USP9X: variants seen among roughly 807,000 people sequenced by gnomAD.
The protein encoded by USP9X is ubiquitin carboxyl-terminal hydrolase 9X.
USP9X carries 7 observed loss-of-function variants against 190.3 expected under a neutral mutation model. The observed-to-expected ratio is 0.04, with a 90% CI of 0.02 to 0.07. The LOEUF (loss-of-function observed/expected upper bound fraction) is 0.07. USP9X is among the 10% of genes least tolerant of loss of function. The probability of loss-of-function intolerance (pLI) is 1.00; values close to 1 mark genes in which losing one functional copy is unlikely to be tolerated. For synonymous variants in USP9X, 645 were observed against 659.5 expected (o/e 0.98, Z 0.34); for missense variants, 1,010 against 1,916.9 (o/e 0.53, Z 8.83).
chrX:41,225,484 T>C (rs1034636694), intron 41 of USP9X, among the ~76,000 whole-genome samples: 2 of 112,078 alleles, frequency 1.8e-5, no homozygotes, highest in Non-Finnish European at 3.8e-5. Flanking sequence ...TTAGAATTAG[T>C]CACTTGAAGC....
intron 1 of USP9X, among the ~76,000 whole-genome samples, chrX:41,093,155 A>G (rs1348697433): frequency 9.0e-6 from 1 of 111,713 alleles, no homozygotes; most frequent in East Asian, 2.8e-4. Flanking sequence ...GGCCTGAGCC[A>G]CTGTGCTTGA....
chrX:41,112,151 T>G (rs2062114656), intron 1 of USP9X, among the ~76,000 whole-genome samples: 1 of 112,535 alleles, frequency 8.9e-6, no homozygotes, highest in Non-Finnish European at 1.9e-5. Context: ...AGCCAGTCTT[T>G]GAAGATTTTT....
chrX:41,144,241 A>G (rs1446144252), intron 10 of USP9X, among the ~76,000 whole-genome samples: 14 of 85,358 alleles, frequency 1.6e-4, no homozygotes, highest in East Asian at 1.4e-3. Context: ...TTTTTTTGAG[A>G]TGGAGTTTTG....
chrX:41,214,869 T>C (rs747519027), intron 34 of USP9X, among the ~76,000 whole-genome samples, 160 bp downstream of exon 34: 1 of 111,887 alleles, frequency 8.9e-6, no homozygotes, highest in Non-Finnish European at 1.9e-5. Flanking sequence ...AATAGAAGGT[T>C]TGGCAAGGAA....
rs773035121 is a variant in USP9X at position 41,227,890 on chromosome X, C to T, written c.7062-1363C>T. Among the ~76,000 whole-genome samples the T allele has an allele frequency of 1.2e-4, 13 of 111,956 alleles. No individual in the cohort carries two copies. In the East Asian group the frequency reaches 2.3e-3, roughly 19 times the overall value. ...TAATTATTTGTATTTTTAGTAGAGA[C>T]GGGGTTTCACCGTGTTAGTCAGGAT... is the stretch of plus-strand genomic sequence containing the variant. On this transcript the variant is annotated intron_variant, in intron 41 of 44. Coordinates refer to ENST00000378308, the MANE Select transcript of USP9X (RefSeq NM_001039591.3).
intron 41 of USP9X, among the ~76,000 whole-genome samples, chrX:41,225,726 TAA>T (rs1299950279): frequency 8.9e-6 from 1 of 112,593 alleles, no homozygotes; most frequent in Non-Finnish European, 1.9e-5. Context: ...TGTTTCTACT[TAA>T]AGTCATTTAA....
intron 12 of USP9X, among the ~76,000 whole-genome samples, chrX:41,149,884 T>G (rs1401496412): frequency 1.8e-5 from 2 of 110,250 alleles, no homozygotes; most frequent in Admixed American, 9.7e-5. Flanking sequence ...TTTTGTACTT[T>G]TAGTAGAGAC....
At chrX:41,117,599 A>G (rs1318375200) in intron 1 of USP9X, among the ~76,000 whole-genome samples, 1 of 84,338 alleles carries the variant, frequency 1.2e-5, no homozygotes, top group Non-Finnish European at 2.2e-5. Flanking sequence ...TTTTTTTGAG[A>G]CGGAGTTTTG....
chrX:41,114,133 T>TA (rs1180235780), intron 1 of USP9X, among the ~76,000 whole-genome samples: 8 of 112,696 alleles, frequency 7.1e-5, no homozygotes, highest in African/African-American at 2.6e-4. Flanking sequence ...TCTATCATAG[T>TA]AAAAAATGAT....
At chrX:41,138,655 G>T (rs1411271686) in intron 6 of USP9X, among the ~76,000 whole-genome samples, 3 of 112,011 alleles carry the variant, frequency 2.7e-5, no homozygotes, top group Admixed American at 1.9e-4. Context: ...AAGCTGTCAG[G>T]ACTATCTCTC....
At chrX:41,214,848 A>G (rs778294131) in intron 34 of USP9X, 139 bp downstream of exon 34, 8 of 619,930 alleles carry the variant, frequency 1.3e-5, no homozygotes, top group Non-Finnish European at 1.9e-5. Flanking sequence ...GAAGTAGTCA[A>G]TATGATAACT....
intron 1 of USP9X, among the ~76,000 whole-genome samples, chrX:41,102,869 T>C (rs1411983170): frequency 9.1e-6 from 1 of 110,119 alleles, no homozygotes; most frequent in East Asian, 2.9e-4. Flanking sequence ...CTTGGCTCAC[T>C]GCAACCTCCA....
chrX:41,215,826 T>A (rs1251886840), intron 34 of USP9X, 73 bp from the exon 35 acceptor site: 3 of 1,058,936 alleles, frequency 2.8e-6, no homozygotes, highest in Non-Finnish European at 3.8e-6. Context: ...CATTTAAAAG[T>A]TTGCTTGGGG....
chrX:41,214,416 T>C, intron 33 of USP9X, 152 bp from the exon 34 acceptor site: 2 of 449,125 alleles, frequency 4.5e-6, no homozygotes, highest in Non-Finnish European at 6.9e-6. Context: ...ATGGCACATG[T>C]ATACATATGT....
At chrX:41,211,253 A>G (rs1251143297) in intron 33 of USP9X, among the ~76,000 whole-genome samples, 1 of 112,236 alleles carries the variant, frequency 8.9e-6, no homozygotes, top group African/African-American at 3.2e-5. Context: ...AACTTCCCAA[A>G]GTGTTGAGAT....
At chrX:41,153,508 T>TA (rs774117302) in intron 14 of USP9X, among the ~76,000 whole-genome samples, 26 of 112,551 alleles carry the variant, frequency 2.3e-4, no homozygotes, top group Non-Finnish European at 4.3e-4. Flanking sequence ...TTAAAAAACA[T>TA]AAGAGTAGAG....
chrX:41,214,904 CTAGGTAAATAAGATAAAAA>C (rs1421724814), intron 34 of USP9X, among the ~76,000 whole-genome samples, 195 bp downstream of exon 34: 3 of 111,560 alleles, frequency 2.7e-5, no homozygotes, highest in East Asian at 5.6e-4. Context: ...GCCAAAGGGG[CTAGGTAAATAAGATAAAAA>C]TAGGTAAATA....
chrX:41,101,683 A>T (rs1017633246), intron 1 of USP9X, among the ~76,000 whole-genome samples: 3 of 106,483 alleles, frequency 2.8e-5, no homozygotes, highest in Admixed American at 9.8e-5. Context: ...AAAATAAATT[A>T]AAAAAAATAA....
chrX:41,148,305 G>A (rs2062488961), intron 11 of USP9X, 64 bp from the exon 12 acceptor site: 1 of 1,117,492 alleles, frequency 8.9e-7, no homozygotes, highest in Non-Finnish European at 1.2e-6. Flanking sequence ...TAGTTAACCT[G>A]GTGACAATTT....
Sources: allele counts gnomAD v4.1 joint callset (sites outside exome capture counted in the v4.1 genomes callset), GRCh38; gene constraint gnomAD v4.1.1; transcripts MANE v1.5; gene names NCBI Gene and HGNC (gene_info 2026-07-23, HGNC 2026-07-21).